SGMS2: variants seen among roughly 807,000 people sequenced by gnomAD.
SGMS2 encodes sphingomyelin synthase 2, also known as phosphatidylcholine:ceramide cholinephosphotransferase 2.
In SGMS2, 21 loss-of-function variants were observed where a neutral mutation model predicts 43.8. The observed-to-expected ratio is 0.48, with a 90% CI of 0.34 to 0.69. SGMS2 has a LOEUF of 0.69. Among genes scored for constraint, SGMS2 ranks in the 30% least tolerant of loss-of-function variants. The pLI is 0.01. For missense variants in SGMS2, 384 were observed against 443.2 expected (o/e 0.87, Z 1.20); for synonymous variants, 167 against 160.6 (o/e 1.04, Z -0.30).
intron 6 of SGMS2, 49 bp from the exon 7 acceptor site, chr4:107,910,301 C>T: frequency 6.8e-7 from 1 of 1,463,208 alleles, no homozygotes; most frequent in South Asian, 1.2e-5. Flanking sequence ...AATTGGGATG[C>T]AAATTGAGAA....
At chr4:107,837,834 T>C (rs543385700) in intron 1 of SGMS2, among the ~76,000 whole-genome samples, 64 of 152,244 alleles carry the variant, frequency 4.2e-4, no homozygotes, top group Middle Eastern at 6.8e-3. Flanking sequence ...CTTACAGATA[T>C]GATATGTGGC....
chr4:107,844,610 G>A (rs1726706713), intron 1 of SGMS2, among the ~76,000 whole-genome samples: 1 of 152,126 alleles, frequency 6.6e-6, no homozygotes, highest in Non-Finnish European at 1.5e-5. Flanking sequence ...AGAATCTGAG[G>A]TGGGAGGATC....
rs1725492396 is a variant in SGMS2, at chr4:107,825,030, G to T, written c.-550G>T. ...TGCAGCGCCGCCGAGTGCGGCCTCG[G>T]GGGCGGCGGCCGCGGGAGGGACCCG... is the stretch of plus-strand genomic sequence containing the variant. On this transcript the variant is annotated 5_prime_UTR_variant, in exon 1 of 7. Transcript: ENST00000690982. 6.6e-6 allele frequency: 1 copy of T among 151,982 alleles called. No homozygotes were observed. 9.4% of individuals were successfully genotyped at this position (151,982 alleles called of 1,614,324 possible).
intron 1 of SGMS2, among the ~76,000 whole-genome samples, chr4:107,833,451 GCT>G (rs1726002584): frequency 6.6e-6 from 1 of 152,078 alleles, no homozygotes; most frequent in African/African-American, 2.4e-5. Context: ...AATCCAAAAT[GCT>G]CCAAAATCTG....
chr4:107,910,712 A>C lies in SGMS2; in HGVS notation c.*159A>C, dbSNP rs760047652. The C allele has an allele frequency of 3.1e-6, 2 of 648,306 alleles. No homozygotes were observed. The highest frequency in any genetic ancestry group is 5.2e-6 in the Non-Finnish European group (2 of 384,816). 40.2% of individuals were successfully genotyped at this position (648,306 alleles called of 1,614,324 possible). ...AAGATGAACAAAGTATTGCCCTTTG[A>C]CTGGTTTTCTTCTTCATCCTGAGAA... is the stretch of plus-strand genomic sequence containing the variant. On this transcript the variant is annotated 3_prime_UTR_variant, in exon 7 of 7. Transcript: ENST00000690982.
At chr4:107,881,373 G>C (rs1027054908) in intron 2 of SGMS2, among the ~76,000 whole-genome samples, 1 of 152,224 alleles carries the variant, frequency 6.6e-6, no homozygotes, top group Admixed American at 6.5e-5. Flanking sequence ...AGGCACAGAG[G>C]CTCCTGAGGT....
chr4:107,839,705 C>G (rs912006937), intron 1 of SGMS2, among the ~76,000 whole-genome samples: 2 of 152,028 alleles, frequency 1.3e-5, no homozygotes, highest in Non-Finnish European at 2.9e-5. Context: ...GATTAATACC[C>G]TATTTTAATA....
intron 1 of SGMS2, among the ~76,000 whole-genome samples, chr4:107,826,080 A>G (rs1725574166): frequency 6.6e-6 from 1 of 152,206 alleles, no homozygotes; most frequent in South Asian, 2.1e-4. Context: ...GTGCTCAGGC[A>G]CATTAAACAT....
At chr4:107,858,246 G>A (rs2126027414) in intron 1 of SGMS2, among the ~76,000 whole-genome samples, 2 of 152,304 alleles carry the variant, frequency 1.3e-5, no homozygotes, top group Middle Eastern at 6.8e-3. Flanking sequence ...GCTGGCAGGT[G>A]TTAAATATTA....
At chr4:107,870,032 T>G (rs1254164011) in intron 2 of SGMS2, among the ~76,000 whole-genome samples, 4 of 152,204 alleles carry the variant, frequency 2.6e-5, no homozygotes, top group Admixed American at 2.6e-4. Flanking sequence ...GTCCATGATT[T>G]TATATCTTCT....
At chr4:107,848,459 C>G (rs1016165124) in intron 1 of SGMS2, among the ~76,000 whole-genome samples, 1 of 152,134 alleles carries the variant, frequency 6.6e-6, no homozygotes, top group African/African-American at 2.4e-5. Context: ...TTGTCACATG[C>G]TAAGACTCTG....
chr4:107,886,261 G>A (rs1729742427), intron 2 of SGMS2, among the ~76,000 whole-genome samples: 1 of 151,126 alleles, frequency 6.6e-6, no homozygotes, highest in South Asian at 2.1e-4. Context: ...ATGCAGTGGT[G>A]TGATCACTGC....
At position 107,895,688 on chromosome 4, in the gene SGMS2, A is replaced by G. The variant is rs1159076561; in HGVS notation, c.135A>G (p.Leu45=). The change falls in exon 3 of 7, where the codon TTA becomes TTG. Residue 45 remains leucine (L), a synonymous_variant. Transcript: ENST00000690982. Reference sequence around the variant, plus strand: ...ATGGCAATGGTAAACCCAAGAGCTTATCCAGTGGGCTGCGAAAAGGCACCA... The same window carrying G: ...ATGGCAATGGTAAACCCAAGAGCTTGTCCAGTGGGCTGCGAAAAGGCACCA... ...NKNGNGKPKS[L]SSGLRKGTKK... 1.9e-6 allele frequency: 3 copies of G among 1,614,034 alleles called. No homozygotes were observed. Among genetic ancestry groups the G allele is most frequent in the Non-Finnish European group, 2.5e-6 (3 of 1,179,966 alleles).
Position 107,914,479 on chromosome 4 carries a change from A to T in SGMS2, c.*3926A>T, listed in dbSNP as rs902126645. 6.6e-6 allele frequency: 1 copy of T among 152,164 alleles called. No homozygotes were observed. 9.4% of individuals were successfully genotyped at this position (152,164 alleles called of 1,614,324 possible). On this transcript the variant is annotated 3_prime_UTR_variant, in exon 7 of 7. Coordinates refer to ENST00000690982, the MANE Select transcript of SGMS2 (RefSeq NM_001375905.1). ...TGGTTATGTTACCGTATATTCACAAAAGAAATATTATTACAAGGTTTCAGA... is the reference window on the plus strand; with the variant it reads ...TGGTTATGTTACCGTATATTCACAATAGAAATATTATTACAAGGTTTCAGA...
At chr4:107,889,018 C>A (rs1206872510) in intron 2 of SGMS2, among the ~76,000 whole-genome samples, 1 of 152,128 alleles carries the variant, frequency 6.6e-6, no homozygotes, top group Non-Finnish European at 1.5e-5. Context: ...TGCTTTTAGC[C>A]TCCAATCTGT....
At chr4:107,884,866 G>T (rs1485802563) in intron 2 of SGMS2, among the ~76,000 whole-genome samples, 1 of 152,080 alleles carries the variant, frequency 6.6e-6, no homozygotes, top group Non-Finnish European at 1.5e-5. Context: ...ACCTCCTGAG[G>T]CTGTGTCATG....
intron 1 of SGMS2, among the ~76,000 whole-genome samples, chr4:107,849,635 G>GTGACTTTTTAAAGATCACAAT (rs33911119): frequency 6.6e-6 from 1 of 152,028 alleles, no homozygotes; most frequent in Non-Finnish European, 1.5e-5. Context: ...CAGAATTAAA[G>GTGACTTTTTAAAGATCACAAT]TGACTTTTTA....
At chr4:107,870,697 T>C (rs1415353218) in intron 2 of SGMS2, among the ~76,000 whole-genome samples, 1 of 152,158 alleles carries the variant, frequency 6.6e-6, no homozygotes, top group Non-Finnish European at 1.5e-5. Flanking sequence ...CCTATGCTTA[T>C]TGATGCAGAT....
chr4:107,895,491 G>A lies in SGMS2; in HGVS notation c.-63G>A. Reference sequence around the variant, plus strand: ...CTTGGAAATAGAAGGATTGAAAAAAGCTAAATTTCCACAAAGAACAAGAAC... The same window carrying A: ...CTTGGAAATAGAAGGATTGAAAAAAACTAAATTTCCACAAAGAACAAGAAC... On this transcript the variant is annotated 5_prime_UTR_variant, in exon 3 of 7. Transcript: ENST00000690982. The A allele has an allele frequency of 2.7e-6, 4 of 1,504,040 alleles. No homozygotes were observed. The highest frequency in any genetic ancestry group is 3.6e-6 in the Non-Finnish European group (4 of 1,117,158). The allele number at this position is 1,504,040 out of a possible 1,614,324, so 93.2% of individuals were successfully genotyped here.
Sources: gnomAD v4.1 joint callset for allele counts (sites outside exome capture counted in the v4.1 genomes callset) on GRCh38, gnomAD v4.1.1 for gene constraint, MANE v1.5 for transcripts, NCBI Gene and HGNC (gene_info 2026-07-23, HGNC 2026-07-21) for gene names.